OLA1: variants seen among roughly 807,000 people sequenced by gnomAD.
OLA1 encodes the protein Obg like ATPase 1, also known as obg-like ATPase 1.
In OLA1, 14 loss-of-function variants were observed where a neutral mutation model predicts 48.4. The ratio of observed to expected loss-of-function variants is 0.29; its 90% CI spans 0.19 to 0.45. The LOEUF (loss-of-function observed/expected upper bound fraction) is 0.45, where lower values mean the gene tolerates loss of function less well. Ranked by LOEUF, OLA1 falls within the 20% of genes least tolerant of loss-of-function variation. The pLI is 1.00. For missense variants in OLA1, 325 were observed against 467.1 expected (o/e 0.70, Z 2.80); for synonymous variants, 127 against 150.4 (o/e 0.84, Z 1.14).
chr2:174,181,223 G>A (rs984291548), intron 4 of OLA1, among the ~76,000 whole-genome samples: 8 of 152,180 alleles, frequency 5.3e-5, no homozygotes, highest in African/African-American at 1.9e-4. Flanking sequence ...AAACAAGGGG[G>A]CATTTTAAAA....
chr2:174,153,470 C>G (rs979241242), intron 4 of OLA1, among the ~76,000 whole-genome samples: 8 of 152,096 alleles, frequency 5.3e-5, no homozygotes, highest in African/African-American at 1.9e-4. Flanking sequence ...ATCAAAAAAG[C>G]CTTCTGGTTA....
chr2:174,095,683 G>C (rs914013311), intron 7 of OLA1, among the ~76,000 whole-genome samples: 1 of 152,014 alleles, frequency 6.6e-6, no homozygotes, highest in Non-Finnish European at 1.5e-5. Context: ...CTAAATGTAA[G>C]AGTTAAAAAG....
intron 2 of OLA1, among the ~76,000 whole-genome samples, chr2:174,232,340 GAAGTAGA>G (rs1688747550): frequency 1.3e-5 from 2 of 151,734 alleles, no homozygotes; most frequent in Non-Finnish European, 2.9e-5. Context: ...CATGGGAAAA[GAAGTAGA>G]AAGTTCTTTC....
At chr2:174,157,924 A>G (rs896889682) in intron 4 of OLA1, among the ~76,000 whole-genome samples, 1 of 152,198 alleles carries the variant, frequency 6.6e-6, no homozygotes, top group African/African-American at 2.4e-5. Flanking sequence ...ACACAGTTCT[A>G]AAATGAGAGT....
chr2:174,233,541 T>C (rs1311733527), intron 2 of OLA1, among the ~76,000 whole-genome samples: 3 of 152,086 alleles, frequency 2.0e-5, no homozygotes, highest in Admixed American at 6.5e-5. Context: ...GGCCAGCTAA[T>C]TTTTTGTACT....
chr2:174,233,467 G>A (rs1036104304), intron 2 of OLA1, among the ~76,000 whole-genome samples: 1 of 152,188 alleles, frequency 6.6e-6, no homozygotes, highest in African/African-American at 2.4e-5. Context: ...TCCGCCTCCT[G>A]GGTTCAAGCG....
Position 174,229,313 on chromosome 2 carries a change from T to C in OLA1, c.240A>G (p.Pro80=). ...TAGCATAAAATATCTCTTACCTTGC[T>C]GGTTTGTGGTATTGACAAAGAAAGT... ...RFDFLCQYHK[P]ASKIPAFLNV... is the part of the protein sequence containing the mutation. Residue 80 remains proline, a synonymous_variant, in exon 3 of 11, where the codon CCA becomes CCG. Coordinates refer to ENST00000284719, the MANE Select transcript of OLA1 (RefSeq NM_013341.5). 1 of 1,611,870 alleles carries C rather than the reference T, an allele frequency of 6.2e-7. No individual in the cohort carries two copies.
intron 4 of OLA1, among the ~76,000 whole-genome samples, chr2:174,152,613 G>A (rs1022886047): frequency 4.6e-5 from 7 of 152,034 alleles, no homozygotes; most frequent in African/African-American, 9.7e-5. Context: ...GAAAAGAGTC[G>A]TATTAATCAG....
chr2:174,166,320 C>G (rs1447878498), intron 4 of OLA1, among the ~76,000 whole-genome samples: 1 of 151,936 alleles, frequency 6.6e-6, no homozygotes, highest in African/African-American at 2.4e-5. Flanking sequence ...TATGATAGAG[C>G]CTCTGAGAAG....
chr2:174,246,953 C>A, intron 1 of OLA1, 138 bp from the exon 2 acceptor site: 1 of 476,168 alleles, frequency 2.1e-6, no homozygotes, highest in Non-Finnish European at 3.7e-6. Context: ...AAAACTAACA[C>A]AGAGCTAAAT....
chr2:174,104,651 T>A (rs1285530285), intron 7 of OLA1, among the ~76,000 whole-genome samples: 6 of 152,100 alleles, frequency 3.9e-5, no homozygotes, highest in African/African-American at 1.4e-4. Flanking sequence ...GTTTTTTCCA[T>A]GTTTTAAAAT....
chr2:174,237,998 G>T (rs528976966), intron 2 of OLA1, among the ~76,000 whole-genome samples: 1 of 152,202 alleles, frequency 6.6e-6, no homozygotes, highest in Non-Finnish European at 1.5e-5. Flanking sequence ...TGGGACCTCC[G>T]TCATATATGC....
chr2:174,189,512 T>G (rs1039555866), intron 4 of OLA1, among the ~76,000 whole-genome samples: 4 of 151,952 alleles, frequency 2.6e-5, no homozygotes, highest in African/African-American at 9.7e-5. Context: ...AAAAAATAGC[T>G]CTTAAATATG....
intron 4 of OLA1, among the ~76,000 whole-genome samples, chr2:174,163,502 A>G (rs916897417): frequency 2.0e-5 from 3 of 151,690 alleles, no homozygotes; most frequent in Non-Finnish European, 2.9e-5. Flanking sequence ...AGCCTGGCCA[A>G]CATGGTGAAA....
chr2:174,235,009 A>C (rs944084306), intron 2 of OLA1, among the ~76,000 whole-genome samples: 1 of 152,112 alleles, frequency 6.6e-6, no homozygotes, highest in African/African-American at 2.4e-5. Context: ...AAATACAAAA[A>C]TTAGCCAGGC....
In OLA1 at chr2:174,075,322, C is replaced by A; in HGVS notation, c.*104G>T. On this transcript the variant is annotated 3_prime_UTR_variant, in exon 11 of 11. Transcript: ENST00000284719. ...AAATAATTTGTTTGTCAAAGATTCC[C>A]ATCTCCCCAACTTTATTTGTCGCAT... 2 of 615,412 alleles carry A rather than the reference C, an allele frequency of 3.2e-6. No individual in the cohort carries two copies. The highest frequency in any genetic ancestry group is 5.8e-6 in the Non-Finnish European group (2 of 345,962). The allele number at this position is 615,412 out of a possible 1,614,324, so 38.1% of individuals were successfully genotyped here.
intron 7 of OLA1, among the ~76,000 whole-genome samples, chr2:174,095,001 A>G (rs1685214030): frequency 6.6e-6 from 1 of 152,208 alleles, no homozygotes. Flanking sequence ...AAGCTGAAAA[A>G]TATTCTATTG....
At chr2:174,201,590 C>T (rs1367853093) in intron 4 of OLA1, among the ~76,000 whole-genome samples, 1 of 152,108 alleles carries the variant, frequency 6.6e-6, no homozygotes, top group Non-Finnish European at 1.5e-5. Flanking sequence ...TAGACTCAAG[C>T]GATCTTCCTG....
chr2:174,087,871 A>G (rs905327722), intron 7 of OLA1, among the ~76,000 whole-genome samples: 1 of 152,230 alleles, frequency 6.6e-6, no homozygotes, highest in African/African-American at 2.4e-5. Context: ...ATTACCATTT[A>G]TGGCATCTTT....
Sources: allele counts gnomAD v4.1 joint callset (sites outside exome capture counted in the v4.1 genomes callset), GRCh38; gene constraint gnomAD v4.1.1; transcripts MANE v1.5; gene names NCBI Gene and HGNC (gene_info 2026-07-23, HGNC 2026-07-21).